The following TMEM150C variants were observed in gnomAD, a reference collection of about 807,000 sequenced individuals.
TMEM150C encodes the protein transmembrane protein 150C, also known as tentonin 3.
In TMEM150C, 10 loss-of-function variants were observed where a neutral mutation model predicts 29.9. The observed-to-expected ratio is 0.33, with a 90% CI of 0.21 to 0.57. The LOEUF (loss-of-function observed/expected upper bound fraction) is 0.57, where lower values mean the gene tolerates loss of function less well. TMEM150C is among the 20% of genes least tolerant of loss of function. The pLI, the probability that TMEM150C is intolerant of heterozygous loss-of-function variation, is 0.88. For missense variants in TMEM150C, 251 were observed against 303.6 expected, an observed-to-expected ratio of 0.83 and a Z score of 1.29; for synonymous variants, 101 against 112.5, an observed-to-expected ratio of 0.90 and a Z score of 0.64.
Position 82,485,541 on chromosome 4 carries a change from T to C in TMEM150C, c.720A>G (p.Glu240=). 6.2e-7 allele frequency: 1 copy of C among 1,607,320 alleles called. No individual in the cohort carries two copies. The highest frequency in any genetic ancestry group is 8.5e-7 in the Non-Finnish European group (1 of 1,176,818). Residue 240 remains glutamate, a synonymous_variant, in exon 8 of 8, where the codon GAA becomes GAG. Coordinates refer to ENST00000449862, the MANE Select transcript of TMEM150C (RefSeq NM_001080506.3). ...NFLSFSESLS[E]ASEYQTDQV is the part of the protein sequence containing the mutation. ...CCTGGTCAGTCTGATATTCAGAAGC[T>C]TCTGACAGGCTTTCTGAGAAGCTTA... is the stretch of plus-strand genomic sequence containing the variant.
intron 5 of TMEM150C, among the ~76,000 whole-genome samples, chr4:82,499,382 G>A (rs1723655053): frequency 6.6e-6 from 1 of 152,060 alleles, no homozygotes; most frequent in African/African-American, 2.4e-5. Context: ...ACAGTCCTTT[G>A]CCATACAGGT....
At chr4:82,558,629 A>T (rs559704384) in intron 1 of TMEM150C, among the ~76,000 whole-genome samples, 42 of 152,338 alleles carry the variant, frequency 2.8e-4, no homozygotes, top group African/African-American at 8.4e-4. Flanking sequence ...ACCAGAAAAA[A>T]AAAAAAATCT....
chr4:82,508,842 T>C (rs1724023688), intron 1 of TMEM150C, among the ~76,000 whole-genome samples: 1 of 152,198 alleles, frequency 6.6e-6, no homozygotes, highest in Non-Finnish European at 1.5e-5. Context: ...GTAAAAAAAT[T>C]AAAGATAATT....
At chr4:82,490,367 G>A (rs1723297590) in intron 6 of TMEM150C, 129 bp from the exon 7 acceptor site, 4 of 823,250 alleles carry the variant, frequency 4.9e-6, no homozygotes, top group Non-Finnish European at 7.9e-6. Context: ...ATAGATTGCA[G>A]AAAGATTAGC....
intron 6 of TMEM150C, chr4:82,494,783 ATTTT>A (rs70964776): frequency 7.4e-4 from 139 of 187,862 alleles, no homozygotes; most frequent in South Asian, 2.1e-3. Context: ...AATGTTCCTA[ATTTT>A]TTTTTTTTTT....
chr4:82,508,940 T>C (rs1479397123), intron 1 of TMEM150C, among the ~76,000 whole-genome samples: 1 of 152,200 alleles, frequency 6.6e-6, no homozygotes, highest in Non-Finnish European at 1.5e-5. Flanking sequence ...CAGAACTGCA[T>C]AAACCTTCTT....
chr4:82,499,719 CAAAAA>C (rs1197264258), intron 5 of TMEM150C, among the ~76,000 whole-genome samples: 15 of 40,292 alleles, frequency 3.7e-4, no homozygotes, highest in Admixed American at 1.1e-3. Context: ...ACTCCGTCTC[CAAAAA>C]AAAAAAAAAA....
chr4:82,547,387 G>A (rs765447430), intron 1 of TMEM150C, among the ~76,000 whole-genome samples: 5 of 151,918 alleles, frequency 3.3e-5, no homozygotes, highest in South Asian at 2.1e-4. Context: ...TCAGGAGTTC[G>A]AGACCAGTCT....
intron 1 of TMEM150C, among the ~76,000 whole-genome samples, chr4:82,537,719 T>TA (rs1725057555): frequency 6.6e-6 from 1 of 151,958 alleles, no homozygotes; most frequent in African/African-American, 2.4e-5. Flanking sequence ...GATGTCCTTA[T>TA]AAAAAAGAGG....
intron 1 of TMEM150C, among the ~76,000 whole-genome samples, chr4:82,552,396 G>A (rs1408245038): frequency 6.6e-6 from 1 of 152,098 alleles, no homozygotes; most frequent in East Asian, 1.9e-4. Context: ...TCTACACTTT[G>A]GCCCTACTGA....
At chr4:82,487,055 G>A (rs537923666) in intron 7 of TMEM150C, among the ~76,000 whole-genome samples, 1 of 152,150 alleles carries the variant, frequency 6.6e-6, no homozygotes, top group Admixed American at 6.5e-5. Flanking sequence ...ACTTTGCTTT[G>A]CTAACTGGGC....
intron 1 of TMEM150C, among the ~76,000 whole-genome samples, chr4:82,534,097 T>C (rs952607625): frequency 3.0e-5 from 4 of 132,856 alleles, no homozygotes; most frequent in African/African-American, 1.6e-4. Context: ...ACTTAGAATA[T>C]AAAGAAAGAG....
chr4:82,542,747 T>G (rs1472649265), intron 1 of TMEM150C, among the ~76,000 whole-genome samples: 1 of 152,156 alleles, frequency 6.6e-6, no homozygotes, highest in African/African-American at 2.4e-5. Flanking sequence ...CAGTCCTTCT[T>G]GGAACCTTAT....
chr4:82,522,844 T>A (rs1724530527), intron 1 of TMEM150C, among the ~76,000 whole-genome samples: 1 of 152,094 alleles, frequency 6.6e-6, no homozygotes, highest in South Asian at 2.1e-4. Context: ...TAAACCAACC[T>A]AACGGGATTC....
chr4:82,531,065 G>A lies in TMEM150C; in HGVS notation c.-10-26398C>T, dbSNP rs530237964. 7.9e-5 allele frequency among the ~76,000 whole-genome samples: 12 copies of A among 152,160 alleles called. No individual in the cohort carries two copies. In the South Asian group the frequency reaches 1.0e-3, roughly 13 times the overall value. On this transcript the variant is annotated intron_variant, in intron 1 of 7. Coordinates refer to ENST00000449862, the MANE Select transcript of TMEM150C (RefSeq NM_001080506.3). ...CATTTTGACATGAGATTTGGGTGGC[G>A]ACACAGATCCAAACCATATCAATGG...
At chr4:82,511,489 T>TTTTTTTTC (rs1724124288) in intron 1 of TMEM150C, among the ~76,000 whole-genome samples, 1 of 149,716 alleles carries the variant, frequency 6.7e-6, no homozygotes, top group Non-Finnish European at 1.5e-5. Context: ...TTTTTTTTTT[T>TTTTTTTTC]TTTGAGATAG....
At chr4:82,521,092 A>C (rs768686554) in intron 1 of TMEM150C, among the ~76,000 whole-genome samples, 1 of 151,986 alleles carries the variant, frequency 6.6e-6, no homozygotes. Flanking sequence ...CTCCCTCACC[A>C]CAAGTCTTGG....
At chr4:82,491,411 T>C (rs559386935) in intron 6 of TMEM150C, 5 of 657,516 alleles carry the variant, frequency 7.6e-6, no homozygotes, top group African/African-American at 1.8e-5. Context: ...CAGAGGTTAA[T>C]TGCAGCCGCT....
intron 1 of TMEM150C, among the ~76,000 whole-genome samples, chr4:82,540,538 C>T (rs972737843): frequency 2.6e-5 from 4 of 151,932 alleles, no homozygotes; most frequent in African/African-American, 9.7e-5. Flanking sequence ...TATTTTGCAT[C>T]TTATTGCTTT....
Sources: gnomAD v4.1 joint callset for allele counts (sites outside exome capture counted in the v4.1 genomes callset) on GRCh38, gnomAD v4.1.1 for gene constraint, MANE v1.5 for transcripts, NCBI Gene and HGNC (gene_info 2026-07-23, HGNC 2026-07-21) for gene names.